The following SERHL2 variants were observed in gnomAD, a reference collection of about 807,000 sequenced individuals.
SERHL2 encodes serine hydrolase-like protein 2.
A neutral mutation model predicts 25.5 loss-of-function variants in SERHL2; 29 were observed. The ratio of observed to expected loss-of-function variants is 1.14; its 90% confidence interval spans 0.85 to 1.55. The LOEUF is 1.55. SERHL2 is among the 40% of genes most tolerant of loss of function. The pLI is 0.00. For synonymous variants in SERHL2, 95 were observed against 103.5 expected (o/e 0.92, Z 0.50); for missense variants, 240 against 252.3 (o/e 0.95, Z 0.33).
chr22:42,567,497 T>C (rs1249711556), intron 9 of SERHL2, among the ~76,000 whole-genome samples: 1 of 151,394 alleles, frequency 6.6e-6, no homozygotes, highest in Non-Finnish European at 1.5e-5. Context: ...ACCCCGTCTC[T>C]ACTAAAAATG....
chr22:42,572,199 T>C (rs894785094), intron 10 of SERHL2, among the ~76,000 whole-genome samples: 5 of 152,090 alleles, frequency 3.3e-5, no homozygotes, highest in Admixed American at 6.5e-5. Context: ...GAACTCCCTG[T>C]GCCCCAGAAA....
chr22:42,556,505 T>G lies in SERHL2; in HGVS notation c.349-9T>G, dbSNP rs758065153. On this transcript the variant is annotated splice_polypyrimidine_tract_variant and intron_variant, in intron 5 of 11. Coordinates refer to ENST00000327678, the MANE Select transcript of SERHL2 (RefSeq NM_014509.5). ...CCCTATTCATTCTCCCCTTTTGGCA[T>G]CCTCACAGTTTTTCTGTACCTTCCC... is the stretch of plus-strand genomic sequence containing the variant. 2 of 1,613,238 alleles carry G rather than the reference T, an allele frequency of 1.2e-6. No individual in the cohort carries two copies. The highest frequency in any genetic ancestry group is 1.7e-6 in the Non-Finnish European group (2 of 1,179,490).
In SERHL2 at chr22:42,554,050, G is replaced by A. The variant is rs772948272; in HGVS notation, c.22+8G>A. ...GTGAGAACGCCGCACCAGGTCTGAC[G>A]GGGAGGCCTTGTGCGAGCGTCCCAC... On this transcript the variant is annotated splice_region_variant and intron_variant, in intron 1 of 11. Coordinates refer to ENST00000327678, the MANE Select transcript of SERHL2 (RefSeq NM_014509.5). The A allele has an allele frequency of 3.3e-5, 53 of 1,613,220 alleles. 1 individual carries two copies. Among genetic ancestry groups the A allele is most frequent in the South Asian group, 2.2e-4 (20 of 90,992 alleles).
chr22:42,556,447 C>T, intron 5 of SERHL2, 67 bp from the exon 6 acceptor site: 2 of 1,605,158 alleles, frequency 1.2e-6, no homozygotes, highest in Admixed American at 1.7e-5. Context: ...CCAGGGTCCC[C>T]AGGGAAAGGC....
intron 8 of SERHL2, among the ~76,000 whole-genome samples, chr22:42,562,554 G>A (rs551665180): frequency 6.6e-6 from 1 of 151,908 alleles, no homozygotes; most frequent in East Asian, 1.9e-4. Context: ...GACGCAGAGT[G>A]GGGAGGGCAG....
chr22:42,573,639 C>T lies in SERHL2; in HGVS notation c.826-297C>T, dbSNP rs1924584314. On this transcript the variant is annotated intron_variant, in intron 11 of 11. Coordinates refer to ENST00000327678, the MANE Select transcript of SERHL2 (RefSeq NM_014509.5). ...TCATTATCTTTTCTCACGGGTACCT[C>T]TTCTGATACAATCACAGCAACCCTG... The T allele has an allele frequency of 1.3e-5, 5 of 389,548 alleles. No individual in the cohort carries two copies. The East Asian group carries it at 2.7e-4, about 21-fold the overall frequency. 24.1% of individuals were successfully genotyped at this position (389,548 alleles called of 1,614,324 possible).
intron 8 of SERHL2, 80 bp from the exon 9 acceptor site, chr22:42,566,224 G>A (rs13057222): frequency 2.1e-6 from 3 of 1,434,554 alleles, no homozygotes; most frequent in East Asian, 4.6e-5. Context: ...AAGGCCTGGA[G>A]GGTTCCAGCA....
In SERHL2 at chr22:42,574,368, G is replaced by A; in HGVS notation, c.*313G>A. On this transcript the variant is annotated 3_prime_UTR_variant, in exon 12 of 12. Transcript: ENST00000327678. ...TGCCCAACTGGATGGAAAATAAAAG[G>A]TTCTTGTATTCTCACTGCTTTTGAG... is the stretch of plus-strand genomic sequence containing the variant. 1 of 505,056 alleles carries A rather than the reference G, an allele frequency of 2.0e-6. No individual in the cohort carries two copies. The highest frequency in any genetic ancestry group is 2.4e-5 in the South Asian group (1 of 42,290). 31.3% of individuals were successfully genotyped at this position (505,056 alleles called of 1,614,324 possible). A position where few individuals can be genotyped will look rare whatever the true frequency, so the allele number is the denominator to read the frequency against.
intron 9 of SERHL2, among the ~76,000 whole-genome samples, chr22:42,568,177 C>G (rs2899358): frequency 6.9e-6 from 1 of 144,386 alleles, no homozygotes; most frequent in South Asian, 2.3e-4. Context: ...GTGTGCGCTA[C>G]CACACCCAGC....
chr22:42,569,953 G>C (rs910143577), intron 9 of SERHL2: 1 of 151,706 alleles, frequency 6.6e-6, no homozygotes, highest in Admixed American at 6.6e-5. Flanking sequence ...GGAGCTTCCC[G>C]GAATTAATCC....
chr22:42,560,843 G>A (rs983770062), intron 8 of SERHL2, among the ~76,000 whole-genome samples: 1 of 151,878 alleles, frequency 6.6e-6, no homozygotes, highest in Non-Finnish European at 1.5e-5. Flanking sequence ...TCCAGAGATC[G>A]TCCCACCTCA....
chr22:42,563,178 TTTTC>T (rs972672565), intron 8 of SERHL2, among the ~76,000 whole-genome samples: 4 of 129,204 alleles, frequency 3.1e-5, no homozygotes, highest in Non-Finnish European at 4.6e-5. Context: ...GACCCTGGCT[TTTTC>T]TTTTTTTCTT....
intron 9 of SERHL2, among the ~76,000 whole-genome samples, chr22:42,567,676 A>T (rs1249084901): frequency 6.8e-6 from 1 of 146,578 alleles, no homozygotes; most frequent in East Asian, 3.0e-4. Context: ...ATGTCAAAAA[A>T]AAAATAAATA....
chr22:42,560,290 C>A (rs1922527567), intron 8 of SERHL2, 25 bp downstream of exon 8: 6 of 1,534,200 alleles, frequency 3.9e-6, no homozygotes, highest in Non-Finnish European at 5.4e-6. Flanking sequence ...TGTCCAAGGC[C>A]ATTTTATATT....
intron 7 of SERHL2, 121 bp from the exon 8 acceptor site, chr22:42,560,065 T>C (rs1319450274): frequency 9.7e-6 from 7 of 720,354 alleles, no homozygotes; most frequent in Non-Finnish European, 1.7e-5. Flanking sequence ...GCCCATCTTG[T>C]CCTCCCAAAG....
intron 7 of SERHL2, 94 bp from the exon 8 acceptor site, chr22:42,560,092 A>G (rs1016981559): frequency 2.4e-5 from 22 of 915,160 alleles, no homozygotes; most frequent in South Asian, 1.3e-4. Flanking sequence ...GATTACAGGC[A>G]TGAGCCACCG....
rs1425158080 is a variant in SERHL2 at position 42,571,027 on chromosome 22, G to A, written c.649-94G>A. On this transcript the variant is annotated intron_variant, in intron 9 of 11. Transcript: ENST00000327678. The stretch of plus-strand genomic sequence containing the variant: ...CAGGGTGGGTGGCTAAGGTGCCCTC[G>A]CCAGGACTTAGCCACCCCAACAGAG... The A allele has an allele frequency of 1.5e-5, 23 of 1,584,760 alleles. No individual in the cohort carries two copies. In the East Asian group the frequency reaches 1.6e-4, roughly 11 times the overall value.
chr22:42,554,354 G>T (rs1293302679), intron 1 of SERHL2, among the ~76,000 whole-genome samples: 1 of 152,080 alleles, frequency 6.6e-6, no homozygotes, highest in Non-Finnish European at 1.5e-5. Context: ...GGCGGTGGGG[G>T]TTCCTGGAGT....
rs1247822278 is a variant in SERHL2 at position 42,566,297 on chromosome 22, C to T, written c.614-7C>T. The T allele has an allele frequency of 1.1e-5, 17 of 1,611,560 alleles. No homozygotes were observed. Among genetic ancestry groups the T allele is most frequent in the Non-Finnish European group, 1.4e-5 (17 of 1,178,992 alleles). ...TGACGCTGCTGTCTTTGTGCTTCCGCCTCCAGGTCTGGTTCTGAACAGAGA... is the reference window on the plus strand; with the variant it reads ...TGACGCTGCTGTCTTTGTGCTTCCGTCTCCAGGTCTGGTTCTGAACAGAGA... On this transcript the variant is annotated splice_polypyrimidine_tract_variant and splice_region_variant and intron_variant, in intron 8 of 11. Coordinates refer to ENST00000327678, the MANE Select transcript of SERHL2 (RefSeq NM_014509.5).
Sources: gnomAD v4.1 joint callset for allele counts (sites outside exome capture counted in the v4.1 genomes callset) on GRCh38, gnomAD v4.1.1 for gene constraint, MANE v1.5 for transcripts, NCBI Gene and HGNC (gene_info 2026-07-23, HGNC 2026-07-21) for gene names.